The following TNNI3K variants were observed in gnomAD, a reference collection of about 807,000 sequenced individuals.
The protein encoded by TNNI3K is TNNI3 interacting kinase.
A neutral mutation model predicts 114.5 loss-of-function variants in TNNI3K; 140 were observed. That is an observed-to-expected ratio of 1.22 (90% CI 1.07 to 1.41). The LOEUF (loss-of-function observed/expected upper bound fraction) is 1.41. Ranked by LOEUF, TNNI3K falls within the 40% of genes most tolerant of loss-of-function variation. The pLI, the probability that TNNI3K is intolerant of heterozygous loss-of-function variation, is 0.00. For missense variants in TNNI3K, 1,125 were observed against 1,007.6 expected (o/e 1.12, Z -1.58); for synonymous variants, 347 against 347.5 (o/e 1.00, Z 0.02).
chr1:74,438,029 ACTAATAAATAAATAAATTAGTG>A (rs564828236), intron 19 of TNNI3K, among the ~76,000 whole-genome samples: 2 of 151,676 alleles, frequency 1.3e-5, no homozygotes, highest in African/African-American at 4.8e-5. Context: ...TAAGCACAGC[ACTAATAAATAAATAAATTAGTG>A]CTAATAAATA....
intron 9 of TNNI3K, among the ~76,000 whole-genome samples, chr1:74,352,316 C>G (rs1045305175): frequency 1.3e-5 from 2 of 152,024 alleles, no homozygotes; most frequent in African/African-American, 4.8e-5. Context: ...GCTGCCTGAT[C>G]GTTCCTCTGG....
intron 20 of TNNI3K, among the ~76,000 whole-genome samples, chr1:74,446,678 A>G (rs1426088069): frequency 6.8e-6 from 1 of 147,982 alleles, no homozygotes; most frequent in East Asian, 2.0e-4. Flanking sequence ...TTTTAGGTCT[A>G]ACGTTTAAAT....
chr1:74,513,442 A>G (rs146823532), intron 23 of TNNI3K, among the ~76,000 whole-genome samples: 4,096 of 152,340 alleles, frequency 0.027, 88 homozygotes, highest in Non-Finnish European at 0.041. Context: ...AGGTTTGTGC[A>G]GAAGGCACAT....
chr1:74,395,527 G>A (rs899379899), intron 17 of TNNI3K, among the ~76,000 whole-genome samples: 1 of 152,200 alleles, frequency 6.6e-6, no homozygotes, highest in African/African-American at 2.4e-5. Flanking sequence ...GCAACCTCGT[G>A]TTTGAGCCAA....
chr1:74,402,408 G>A (rs1017812670), intron 17 of TNNI3K, among the ~76,000 whole-genome samples: 1 of 152,092 alleles, frequency 6.6e-6, no homozygotes, highest in Non-Finnish European at 1.5e-5. Flanking sequence ...ATGTGTTTCT[G>A]GTTTGGACCA....
rs796545798 is a variant in TNNI3K at position 74,391,997 on chromosome 1, G to A, written c.1772+21605G>A. On this transcript the variant is annotated intron_variant, in intron 17 of 24. Transcript: ENST00000326637. The stretch of plus-strand genomic sequence containing the variant: ...TTTTTTTTTTTTGAGACGGAGTCTC[G>A]CTCTGTCGCCCAGGCTGGAGTGCAG... 1.8e-4 allele frequency among the ~76,000 whole-genome samples: 20 copies of A among 110,606 alleles called. 1 individual carries two copies. Among genetic ancestry groups the A allele is most frequent in the African/African-American group, 7.4e-4 (19 of 25,530 alleles). 72.6% of individuals were successfully genotyped at this position (110,606 alleles called of 152,430 possible).
chr1:74,463,599 G>C, intron 21 of TNNI3K, 49 bp downstream of exon 21: 1 of 1,593,236 alleles, frequency 6.3e-7, no homozygotes, highest in Non-Finnish European at 8.6e-7. Context: ...GTCAAAATCT[G>C]TCACAAATAG....
chr1:74,343,255 CA>C (rs1168394914), intron 9 of TNNI3K, 76 bp downstream of exon 9: 6 of 1,455,760 alleles, frequency 4.1e-6, no homozygotes, highest in Non-Finnish European at 5.6e-6. Flanking sequence ...GGGTATAAAG[CA>C]AGAACAAATA....
intron 11 of TNNI3K, among the ~76,000 whole-genome samples, chr1:74,358,860 C>T (rs913914764): frequency 2.0e-5 from 3 of 151,842 alleles, no homozygotes; most frequent in East Asian, 1.9e-4. Flanking sequence ...AATATAATAA[C>T]GTAAGAATTC....
chr1:74,256,880 CTT>C (rs1389717767), intron 4 of TNNI3K, among the ~76,000 whole-genome samples: 2 of 151,928 alleles, frequency 1.3e-5, no homozygotes, highest in Non-Finnish European at 2.9e-5. Context: ...AGAAAATATG[CTT>C]TTCGGAAGTT....
chr1:74,315,569 A>G (rs554303864), intron 5 of TNNI3K, among the ~76,000 whole-genome samples: 1 of 151,804 alleles, frequency 6.6e-6, no homozygotes, highest in Admixed American at 6.6e-5. Context: ...TTTTTTTTTA[A>G]CTGGATTTGT....
chr1:74,406,931 C>T (rs756112034), intron 17 of TNNI3K, among the ~76,000 whole-genome samples: 75 of 152,180 alleles, frequency 4.9e-4, no homozygotes, highest in Admixed American at 7.9e-4. Context: ...CTCTTTGCCT[C>T]GTTTCTTCCT....
chr1:74,485,414 G>A (rs1382593404), intron 21 of TNNI3K, among the ~76,000 whole-genome samples: 2 of 152,176 alleles, frequency 1.3e-5, no homozygotes, highest in Non-Finnish European at 2.9e-5. Context: ...GCAAACCAGA[G>A]ATTGAGGTAG....
chr1:74,285,227 T>A (rs1254379833), intron 5 of TNNI3K, among the ~76,000 whole-genome samples: 1 of 152,192 alleles, frequency 6.6e-6, no homozygotes, highest in African/African-American at 2.4e-5. Context: ...ATGGCTTTGG[T>A]AAAGGCATTC....
At chr1:74,448,486 C>A (rs1331753303) in intron 20 of TNNI3K, among the ~76,000 whole-genome samples, 10 of 145,858 alleles carry the variant, frequency 6.9e-5, no homozygotes, top group Admixed American at 5.4e-4. Context: ...CTGGCCAGAA[C>A]TTCCAACACT....
At chr1:74,473,634 T>A (rs1367667092) in intron 21 of TNNI3K, among the ~76,000 whole-genome samples, 1 of 151,954 alleles carries the variant, frequency 6.6e-6, no homozygotes, top group East Asian at 1.9e-4. Flanking sequence ...GGATACTCCA[T>A]CTCCAATTTT....
intron 21 of TNNI3K, chr1:74,464,752 C>A: frequency 6.4e-7 from 1 of 1,564,004 alleles, no homozygotes; most frequent in East Asian, 2.3e-5. Context: ...ACCTCTTATC[C>A]TGGCCATTCA....
chr1:74,391,813 C>T (rs1355782719), intron 17 of TNNI3K, among the ~76,000 whole-genome samples: 1 of 152,016 alleles, frequency 6.6e-6, no homozygotes, highest in Admixed American at 6.6e-5. Flanking sequence ...AAAGGAAAGC[C>T]AGCAGCAAAT....
chr1:74,271,233 C>A (rs1656326710), intron 4 of TNNI3K, among the ~76,000 whole-genome samples: 1 of 151,862 alleles, frequency 6.6e-6, no homozygotes, highest in Non-Finnish European at 1.5e-5. Flanking sequence ...TAAACTGTTA[C>A]TGTAAATTCC....
Sources: allele counts gnomAD v4.1 joint callset (sites outside exome capture counted in the v4.1 genomes callset), GRCh38; gene constraint gnomAD v4.1.1; transcripts MANE v1.5; gene names NCBI Gene and HGNC (gene_info 2026-07-23, HGNC 2026-07-21).